OTOGL: variants seen among roughly 807,000 people sequenced by gnomAD.
OTOGL encodes the protein otogelin like.
OTOGL carries 285 observed loss-of-function variants against 318.5 expected under a neutral mutation model. The ratio of observed to expected loss-of-function variants is 0.89; its 90% CI spans 0.81 to 0.99. The LOEUF is 0.99. OTOGL is among the 50% of genes least tolerant of loss of function. The pLI, the probability that OTOGL is intolerant of heterozygous loss-of-function variation, is 0.00. For synonymous variants in OTOGL, 987 were observed against 936.5 expected (o/e 1.05, Z -0.99); for missense variants, 2,899 against 2,845.6 (o/e 1.02, Z -0.43).
At chr12:80,156,856 T>C (rs1413647697) in intron 1 of OTOGL, among the ~76,000 whole-genome samples, 1 of 152,102 alleles carries the variant, frequency 6.6e-6, no homozygotes, top group Non-Finnish European at 1.5e-5. Flanking sequence ...GACACTTAGA[T>C]TGCATCCAAA....
chr12:80,254,625 A>T (rs1881868046), intron 15 of OTOGL, 55 bp downstream of exon 15: 11 of 1,384,350 alleles, frequency 7.9e-6, no homozygotes, highest in Non-Finnish European at 8.1e-6. Context: ...TAGACTGGGG[A>T]GAAAGATAGC....
intron 1 of OTOGL, among the ~76,000 whole-genome samples, chr12:80,184,800 C>G (rs548325689): frequency 3.7e-4 from 56 of 152,206 alleles, no homozygotes; most frequent in African/African-American, 1.3e-3. Context: ...TAATACCAGG[C>G]AAATTGGATG....
Position 80,305,576 on chromosome 12 carries a change from A to G in OTOGL, c.3214A>G (p.Asn1072Asp). 1 of 1,543,782 alleles carries G rather than the reference A, an allele frequency of 6.5e-7. No homozygotes were observed. Among genetic ancestry groups the G allele is most frequent in the Non-Finnish European group, 8.6e-7 (1 of 1,157,438 alleles). ...TCCTGGTGATTTTCTCTTACTTTAG[A>G]ACAAGCTATCAGGATTGTGTGGAAA... ...IHIKVGPQWK[N>D]KLSGLCGNFD... is the part of the protein sequence containing the mutation. The change falls in exon 29 of 59, where the codon AAC becomes GAC. Residue 1072 changes from asparagine to aspartate, a missense_variant and splice_region_variant. Physicochemically the swap from Asn to Asp is conservative, Grantham distance 23. Around this residue, in one of 3 missense-constraint regions of OTOGL, gnomAD observed 2,607 missense variants for 2,524.9 expected, o/e 1.03. Transcript: ENST00000547103.
At chr12:80,173,140 C>T (rs1874316284) in intron 1 of OTOGL, among the ~76,000 whole-genome samples, 1 of 151,456 alleles carries the variant, frequency 6.6e-6, no homozygotes, top group African/African-American at 2.4e-5. Flanking sequence ...GATTAAGCTC[C>T]TATCAATATT....
chr12:80,224,969 G>T (rs895166405), intron 7 of OTOGL, among the ~76,000 whole-genome samples: 3 of 151,806 alleles, frequency 2.0e-5, no homozygotes, highest in Non-Finnish European at 2.9e-5. Context: ...ATGTGATTAT[G>T]TAACATTGCA....
At chr12:80,169,481 C>T (rs957101757) in intron 1 of OTOGL, among the ~76,000 whole-genome samples, 2 of 152,198 alleles carry the variant, frequency 1.3e-5, no homozygotes, top group Non-Finnish European at 2.9e-5. Context: ...GTCACACATT[C>T]TATAGTCCTA....
At chr12:80,113,459 T>C (rs1869971541) in intron 1 of OTOGL, among the ~76,000 whole-genome samples, 1 of 152,250 alleles carries the variant, frequency 6.6e-6, no homozygotes, top group Non-Finnish European at 1.5e-5. Flanking sequence ...GTGTCTTTTT[T>C]CTCATTGGTT....
chr12:80,307,922 G>T (rs1316038478), intron 29 of OTOGL, among the ~76,000 whole-genome samples: 5 of 118,788 alleles, frequency 4.2e-5, no homozygotes, highest in Non-Finnish European at 8.4e-5. Flanking sequence ...GGCGGGGGCT[G>T]ACCCCCCCAC....
Position 80,211,951 on chromosome 12 carries a change from A to G in OTOGL, c.122A>G (p.Asn41Ser). ...AAGTTCTTTTTGTTTTCTTCCAGAA[A>G]CGGGTTTAATGAAAATCGACAGAAA... ...ASSILMGTSK[N>S]GFNENRQKRA... The change falls in exon 4 of 59, where the codon AAC (asparagine) becomes AGC (serine). Residue 41 changes from asparagine (N) to serine (S), a missense_variant and splice_region_variant. This residue lies in a region of OTOGL where 2,607 missense variants were observed against 2,524.9 expected (regional missense o/e 1.03). Transcript: ENST00000547103. 1.3e-6 allele frequency: 2 copies of G among 1,568,204 alleles called. No homozygotes were observed. Among genetic ancestry groups the G allele is most frequent in the Non-Finnish European group, 1.7e-6 (2 of 1,163,384 alleles).
chr12:80,289,732 G>A (rs907667912), intron 26 of OTOGL, among the ~76,000 whole-genome samples: 20 of 152,134 alleles, frequency 1.3e-4, no homozygotes, highest in African/African-American at 4.3e-4. Context: ...CAGTAATGGC[G>A]GACGCCCCTC....
intron 4 of OTOGL, among the ~76,000 whole-genome samples, chr12:80,214,336 G>A (rs1257847137): frequency 6.6e-6 from 1 of 152,264 alleles, no homozygotes; most frequent in Non-Finnish European, 1.5e-5. Context: ...CTGGAGCTCA[G>A]TCTTATTGGA....
intron 1 of OTOGL, among the ~76,000 whole-genome samples, chr12:80,151,067 A>C (rs1394801327): frequency 6.6e-6 from 1 of 152,186 alleles, no homozygotes; most frequent in Admixed American, 6.5e-5. Context: ...TCTAAAGTCT[A>C]AAATGTCAGC....
At chr12:80,170,062 A>G (rs1874085767) in intron 1 of OTOGL, among the ~76,000 whole-genome samples, 1 of 152,132 alleles carries the variant, frequency 6.6e-6, no homozygotes, top group African/African-American at 2.4e-5. Flanking sequence ...GTGGATGTTT[A>G]TCTTTGTAAG....
intron 1 of OTOGL, among the ~76,000 whole-genome samples, chr12:80,172,294 C>CCTT (rs10628186): frequency 0.24 from 36,193 of 151,962 alleles, 6,124 homozygotes; most frequent in African/African-American, 0.49. Context: ...AGTGATACCT[C>CCTT]CTTTGAGCCC....
At chr12:80,256,191 T>C in intron 16 of OTOGL, 146 bp from the exon 17 acceptor site, 1 of 1,000,466 alleles carries the variant, frequency 1.0e-6, no homozygotes, top group South Asian at 2.1e-5. Context: ...ATATTAGAAA[T>C]TCTAATTTAT....
At chr12:80,125,294 A>T (rs1473824390) in intron 1 of OTOGL, among the ~76,000 whole-genome samples, 1 of 152,218 alleles carries the variant, frequency 6.6e-6, no homozygotes, top group African/African-American at 2.4e-5. Context: ...TATTGAGATA[A>T]TCATGTGGCT....
chr12:80,312,999 T>A (rs1158882014), intron 30 of OTOGL, among the ~76,000 whole-genome samples: 1 of 152,168 alleles, frequency 6.6e-6, no homozygotes, highest in Non-Finnish European at 1.5e-5. Context: ...TACTTAAATG[T>A]AATGCAAATA....
At chr12:80,134,693 A>G (rs1871440388) in intron 1 of OTOGL, among the ~76,000 whole-genome samples, 1 of 151,962 alleles carries the variant, frequency 6.6e-6, no homozygotes, top group Non-Finnish European at 1.5e-5. Context: ...CTTGGCAACA[A>G]TCCTCCCCCT....
intron 35 of OTOGL, among the ~76,000 whole-genome samples, chr12:80,328,347 A>AACAACC (rs1343730462): frequency 6.6e-6 from 1 of 151,732 alleles, no homozygotes; most frequent in Non-Finnish European, 1.5e-5. Flanking sequence ...CAACAACAAC[A>AACAACC]ACAACACCTT....
Sources: gnomAD v4.1 joint callset for allele counts (sites outside exome capture counted in the v4.1 genomes callset) on GRCh38, gnomAD v4.1.1 for gene constraint, gnomAD v4.1.1 regional missense constraint, MANE v1.5 for transcripts, NCBI Gene and HGNC (gene_info 2026-07-23, HGNC 2026-07-21) for gene names.